GRM7: variants seen among roughly 807,000 people sequenced by gnomAD.
The protein encoded by GRM7 is glutamate metabotropic receptor 7.
Under a neutral mutation model 84.5 loss-of-function variants are expected in GRM7, and 35 were observed. The ratio of observed to expected loss-of-function variants is 0.41; its 90% CI spans 0.32 to 0.55. GRM7 has a LOEUF of 0.55. Ranked by LOEUF, GRM7 falls within the 20% of genes least tolerant of loss-of-function variation. The pLI, the probability that GRM7 is intolerant of heterozygous loss-of-function variation, is 0.19. For missense variants in GRM7, 1,003 were observed against 1,194.6 expected (o/e 0.84, Z 2.36); for synonymous variants, 487 against 455.1 (o/e 1.07, Z -0.89).
At chr3:7,295,743 A>G (rs981430612) in intron 2 of GRM7, among the ~76,000 whole-genome samples, 1 of 151,906 alleles carries the variant, frequency 6.6e-6, no homozygotes, top group African/African-American at 2.4e-5. Context: ...GTTCCTTCCT[A>G]TGATCGACTA....
At chr3:7,131,547 C>T (rs1878163) in intron 1 of GRM7, among the ~76,000 whole-genome samples, 36,528 of 151,976 alleles carry the variant, frequency 0.24, 5,054 homozygotes, top group African/African-American at 0.39. Flanking sequence ...GGCACGATCT[C>T]GGCTCACTGA....
chr3:7,515,658 A>G (rs193045733), intron 7 of GRM7, among the ~76,000 whole-genome samples: 39 of 152,294 alleles, frequency 2.6e-4, no homozygotes, highest in African/African-American at 9.1e-4. Context: ...ATTAGGGTAT[A>G]GCAAAGGAAG....
intron 8 of GRM7, among the ~76,000 whole-genome samples, chr3:7,661,794 C>CAAAAAAA (rs71043686): frequency 0.02 from 568 of 28,164 alleles, 103 homozygotes; most frequent in East Asian, 0.027. Flanking sequence ...GTCTCCGTCT[C>CAAAAAAA]AAAAAAAAAA....
intron 1 of GRM7, among the ~76,000 whole-genome samples, chr3:6,930,444 C>T (rs1282623164): frequency 2.0e-5 from 3 of 152,234 alleles, no homozygotes; most frequent in East Asian, 1.9e-4. Flanking sequence ...AATAGGTTCT[C>T]AATATGTAGT....
In GRM7 at chr3:7,343,681, T is replaced by G. The variant is rs10510365; in HGVS notation, c.1033+37029T>G. ...TCTCCTTCAGCAATGTTTTTTAACTTTGCAACACAATGCTTCTTTTTTAGA... is the reference window on the plus strand; with the variant it reads ...TCTCCTTCAGCAATGTTTTTTAACTGTGCAACACAATGCTTCTTTTTTAGA... On this transcript the variant is annotated intron_variant, in intron 4 of 9. Coordinates refer to ENST00000357716, the MANE Select transcript of GRM7 (RefSeq NM_000844.4). 9.4e-3 allele frequency among the ~76,000 whole-genome samples: 1,432 copies of G among 152,252 alleles called. 12 individuals are homozygous for G. Among genetic ancestry groups the G allele is most frequent in the Admixed American group, 0.027 (412 of 15,254 alleles).
chr3:7,213,669 C>CA (rs1696505831), intron 2 of GRM7, among the ~76,000 whole-genome samples: 1 of 152,178 alleles, frequency 6.6e-6, no homozygotes, highest in African/African-American at 2.4e-5. Flanking sequence ...GCAGTCACAA[C>CA]ACAGGCCTCA....
At chr3:6,993,686 C>A (rs1359738550) in intron 1 of GRM7, among the ~76,000 whole-genome samples, 1 of 152,138 alleles carries the variant, frequency 6.6e-6, no homozygotes, top group African/African-American at 2.4e-5. Context: ...CATATTGCAG[C>A]ATTCAAGCTA....
At chr3:7,457,153 A>G (rs939024555) in intron 6 of GRM7, among the ~76,000 whole-genome samples, 5 of 152,254 alleles carry the variant, frequency 3.3e-5, no homozygotes, top group Admixed American at 1.3e-4. Context: ...TCACTGTTAC[A>G]TTAGTACAAA....
chr3:7,111,273 T>C (rs763614686), intron 1 of GRM7, among the ~76,000 whole-genome samples: 1 of 152,056 alleles, frequency 6.6e-6, no homozygotes, highest in Non-Finnish European at 1.5e-5. Context: ...TGCATTTGAA[T>C]TGGTTACTTT....
intron 2 of GRM7, among the ~76,000 whole-genome samples, chr3:7,281,927 G>A (rs1296862506): frequency 6.6e-6 from 1 of 152,132 alleles, no homozygotes; most frequent in Non-Finnish European, 1.5e-5. Context: ...CTAAAATACA[G>A]AAGAAATTAG....
chr3:6,924,049 A>C (rs1697218231), intron 1 of GRM7, among the ~76,000 whole-genome samples: 1 of 152,206 alleles, frequency 6.6e-6, no homozygotes, highest in South Asian at 2.1e-4. Context: ...GCTTTATAGC[A>C]ATGTGTACCT....
At chr3:7,282,657 C>T (rs2124998305) in intron 2 of GRM7, among the ~76,000 whole-genome samples, 1 of 152,324 alleles carries the variant, frequency 6.6e-6, no homozygotes, top group East Asian at 1.9e-4. Flanking sequence ...ATTCTGCCTA[C>T]CACAAATAGG....
At chr3:7,166,694 G>C (rs766850958) in intron 2 of GRM7, among the ~76,000 whole-genome samples, 1 of 152,164 alleles carries the variant, frequency 6.6e-6, no homozygotes, top group Non-Finnish European at 1.5e-5. Context: ...TTCCAGGGCA[G>C]CTGCTTATTA....
intron 8 of GRM7, among the ~76,000 whole-genome samples, chr3:7,654,710 C>G (rs1215507838): frequency 6.6e-6 from 1 of 152,172 alleles, no homozygotes; most frequent in Non-Finnish European, 1.5e-5. Flanking sequence ...GATATCACAG[C>G]ACTGAAATTA....
intron 4 of GRM7, among the ~76,000 whole-genome samples, chr3:7,397,682 T>A (rs143135139): frequency 1.3e-4 from 20 of 152,292 alleles, no homozygotes; most frequent in African/African-American, 4.6e-4. Flanking sequence ...TATATTCAAC[T>A]ATTATGTACT....
At chr3:7,598,203 A>G (rs774938734) in intron 8 of GRM7, among the ~76,000 whole-genome samples, 12 of 152,210 alleles carry the variant, frequency 7.9e-5, no homozygotes, top group Admixed American at 4.6e-4. Flanking sequence ...ATAAATCCCC[A>G]CATCCCAGTG....
intron 9 of GRM7, among the ~76,000 whole-genome samples, chr3:7,710,336 C>T (rs145351719): frequency 4.6e-4 from 70 of 152,270 alleles, no homozygotes; most frequent in African/African-American, 1.5e-3. Flanking sequence ...GAAAATGCCA[C>T]GGGACCTGTT....
At chr3:7,048,994 T>C (rs1047463508) in intron 1 of GRM7, among the ~76,000 whole-genome samples, 5 of 152,002 alleles carry the variant, frequency 3.3e-5, no homozygotes, top group African/African-American at 1.2e-4. Context: ...AGAAGTTACA[T>C]AAGTGAATTG....
At chr3:7,411,581 C>A (rs1695938153) in intron 4 of GRM7, among the ~76,000 whole-genome samples, 1 of 152,112 alleles carries the variant, frequency 6.6e-6, no homozygotes, top group Non-Finnish European at 1.5e-5. Flanking sequence ...TGGCTTATTT[C>A]TGCCCAATTT....
Sources: gnomAD v4.1 joint callset for allele counts (sites outside exome capture counted in the v4.1 genomes callset) on GRCh38, gnomAD v4.1.1 for gene constraint, MANE v1.5 for transcripts, NCBI Gene and HGNC (gene_info 2026-07-23, HGNC 2026-07-21) for gene names.